CTNNA3: variants seen among roughly 807,000 people sequenced by gnomAD.
CTNNA3 encodes catenin alpha 3, also known as catenin alpha-3.
A neutral mutation model predicts 95.7 loss-of-function variants in CTNNA3; 76 were observed. The ratio of observed to expected loss-of-function variants is 0.79; its 90% CI spans 0.66 to 0.96. The LOEUF is 0.96. Among genes scored for constraint, CTNNA3 ranks in the 40% least tolerant of loss-of-function variants. The pLI, the probability that CTNNA3 is intolerant of heterozygous loss-of-function variation, is 0.00. For synonymous variants in CTNNA3, 431 were observed against 374.4 expected (o/e 1.15, Z -1.74); for missense variants, 1,191 against 1,089.8 (o/e 1.09, Z -1.31).
chr10:66,742,068 C>T (rs1849343849), intron 9 of CTNNA3, among the ~76,000 whole-genome samples: 1 of 152,274 alleles, frequency 6.6e-6, no homozygotes, highest in Non-Finnish European at 1.5e-5. Context: ...ACTCTGACTG[C>T]CGGTGAGCCA....
intron 7 of CTNNA3, chr10:67,099,055 G>A (rs560072812): frequency 1.3e-5 from 2 of 151,716 alleles, no homozygotes; most frequent in Admixed American, 6.6e-5. Context: ...TCAAGTAGAC[G>A]GTAAACATCC....
intron 7 of CTNNA3, among the ~76,000 whole-genome samples, chr10:67,090,133 A>G (rs567139426): frequency 6.6e-6 from 1 of 152,174 alleles, no homozygotes; most frequent in East Asian, 1.9e-4. Context: ...CTTCCTGAAC[A>G]TTTTTACACA....
chr10:67,164,319 G>C (rs1861670466), intron 7 of CTNNA3, among the ~76,000 whole-genome samples: 1 of 152,006 alleles, frequency 6.6e-6, no homozygotes. Flanking sequence ...CACAAGTACA[G>C]CAAATTGATT....
At chr10:67,607,234 C>T (rs1354525190) in intron 2 of CTNNA3, among the ~76,000 whole-genome samples, 185 bp from the exon 3 acceptor site, 2 of 152,228 alleles carry the variant, frequency 1.3e-5, no homozygotes, top group African/African-American at 2.4e-5. Flanking sequence ...AACATAACTA[C>T]GAATAGCCTA....
intron 7 of CTNNA3, among the ~76,000 whole-genome samples, chr10:66,857,679 A>T (rs1843734773): frequency 6.6e-6 from 1 of 151,638 alleles, no homozygotes; most frequent in South Asian, 2.1e-4. Context: ...ACTAATTCAA[A>T]ATTTCATTCT....
At chr10:65,971,221 C>G (rs1207258355) in intron 16 of CTNNA3, among the ~76,000 whole-genome samples, 1 of 151,610 alleles carries the variant, frequency 6.6e-6, no homozygotes, top group Non-Finnish European at 1.5e-5. Flanking sequence ...AGAAAGATCT[C>G]AAATTAATGA....
At chr10:66,488,942 G>T (rs1394734763) in intron 11 of CTNNA3, among the ~76,000 whole-genome samples, 1 of 152,020 alleles carries the variant, frequency 6.6e-6, no homozygotes, top group Non-Finnish European at 1.5e-5. Context: ...TAAAAGGGTA[G>T]ATAGGGAATA....
chr10:67,221,419 A>G (rs1864648623), intron 5 of CTNNA3, among the ~76,000 whole-genome samples: 2 of 152,218 alleles, frequency 1.3e-5, no homozygotes, highest in South Asian at 4.1e-4. Flanking sequence ...TTCCCATTTT[A>G]AAACTCAAAA....
intron 7 of CTNNA3, among the ~76,000 whole-genome samples, chr10:67,114,002 G>C (rs1281845149): frequency 1.3e-5 from 2 of 151,748 alleles, no homozygotes; most frequent in Non-Finnish European, 2.9e-5. Context: ...AGGATCACTG[G>C]AGCCCAGGAG....
chr10:66,962,053 G>A (rs1849138557), intron 7 of CTNNA3, among the ~76,000 whole-genome samples: 1 of 152,090 alleles, frequency 6.6e-6, no homozygotes, highest in Non-Finnish European at 1.5e-5. Context: ...CGTTATTCCT[G>A]TCTTGGTTTA....
At chr10:67,726,556 A>AATATATATTACATATT (rs1217828350) in intron 1 of CTNNA3, among the ~76,000 whole-genome samples, 2 of 61,266 alleles carry the variant, frequency 3.3e-5, no homozygotes, top group African/African-American at 9.0e-5. Context: ...CATATTATAT[A>AATATATATTACATATT]ATATAATATA....
intron 7 of CTNNA3, among the ~76,000 whole-genome samples, chr10:66,934,864 A>C (rs1402927841): frequency 6.6e-6 from 1 of 152,168 alleles, no homozygotes; most frequent in South Asian, 2.1e-4. Flanking sequence ...GGTGGAAAAT[A>C]CATTTTGTCA....
chr10:66,580,879 T>C (rs77458844), intron 10 of CTNNA3, among the ~76,000 whole-genome samples: 1 of 151,866 alleles, frequency 6.6e-6, no homozygotes, highest in Non-Finnish European at 1.5e-5. Flanking sequence ...TTGTACTCAA[T>C]AGGTAGTTTT....
intron 7 of CTNNA3, among the ~76,000 whole-genome samples, chr10:66,997,104 G>A (rs1360677229): frequency 6.6e-6 from 1 of 152,168 alleles, no homozygotes; most frequent in Non-Finnish European, 1.5e-5. Context: ...GCAAGAATAA[G>A]AGCAGAAGAT....
intron 10 of CTNNA3, among the ~76,000 whole-genome samples, chr10:66,553,672 T>C (rs1367975232): frequency 3.3e-5 from 5 of 151,308 alleles, no homozygotes; most frequent in Admixed American, 6.6e-5. Flanking sequence ...GGACTACAGG[T>C]GACCGCCACC....
intron 9 of CTNNA3, among the ~76,000 whole-genome samples, chr10:66,682,458 T>C (rs983787433): frequency 1.3e-5 from 2 of 152,016 alleles, no homozygotes; most frequent in Non-Finnish European, 2.9e-5. Flanking sequence ...AAAATATGGA[T>C]GGAAGGACCA....
At chr10:66,431,502 T>C (rs1297121549) in intron 11 of CTNNA3, among the ~76,000 whole-genome samples, 1 of 151,916 alleles carries the variant, frequency 6.6e-6, no homozygotes, top group Non-Finnish European at 1.5e-5. Flanking sequence ...AACCCAAATG[T>C]CCATCAATGA....
intron 7 of CTNNA3, among the ~76,000 whole-genome samples, chr10:67,005,605 T>C (rs1171483455): frequency 1.3e-5 from 2 of 150,280 alleles, no homozygotes; most frequent in African/African-American, 2.4e-5. Context: ...AAAAAAGGTA[T>C]GTGGTCTCAA....
intron 12 of CTNNA3, among the ~76,000 whole-genome samples, chr10:66,284,403 T>G (rs2091549275): frequency 6.6e-6 from 1 of 151,910 alleles, no homozygotes; most frequent in African/African-American, 2.4e-5. Context: ...TAGAGCCAGC[T>G]CTCTGAACCC....
Sources: allele counts gnomAD v4.1 joint callset (sites outside exome capture counted in the v4.1 genomes callset), GRCh38; gene constraint gnomAD v4.1.1; transcripts MANE v1.5; gene names NCBI Gene and HGNC (gene_info 2026-07-23, HGNC 2026-07-21).